Variants in RMDN2 observed in about 807,000 individuals in gnomAD.
RMDN2 encodes the protein regulator of microtubule dynamics protein 2.
RMDN2 carries 61 observed loss-of-function variants against 52.8 expected under a neutral mutation model. The ratio of observed to expected loss-of-function variants is 1.16; its 90% CI spans 0.94 to 1.43. The LOEUF is 1.43. Among genes scored for constraint, RMDN2 ranks in the 40% most tolerant of loss-of-function variants. The pLI, the probability that RMDN2 is intolerant of heterozygous loss-of-function variation, is 0.00. For missense variants in RMDN2, 592 were observed against 475.3 expected (o/e 1.25, Z -2.28); for synonymous variants, 180 against 153.1 (o/e 1.18, Z -1.30).
chr2:38,005,076 A>G (rs1676888380), intron 10 of RMDN2, among the ~76,000 whole-genome samples: 1 of 151,982 alleles, frequency 6.6e-6, no homozygotes. Context: ...TATGTGCCAC[A>G]TTTTCTTAAT....
intron 4 of RMDN2, 44 bp from the exon 5 acceptor site, chr2:37,981,239 C>A: frequency 8.6e-7 from 1 of 1,158,786 alleles, no homozygotes; most frequent in African/African-American, 1.5e-5. Flanking sequence ...CACCTCCTAC[C>A]AACTCACATG....
At chr2:38,000,778 C>A (rs1359598771) in intron 8 of RMDN2, among the ~76,000 whole-genome samples, 1 of 152,158 alleles carries the variant, frequency 6.6e-6, no homozygotes, top group Non-Finnish European at 1.5e-5. Context: ...TGGTTTGATG[C>A]TATTTTGCAT....
chr2:38,045,639 T>A (rs1391430680), intron 10 of RMDN2, among the ~76,000 whole-genome samples: 5 of 134,742 alleles, frequency 3.7e-5, no homozygotes, highest in African/African-American at 7.3e-5. Context: ...ATCAAATACA[T>A]AAAAAAATTA....
chr2:37,999,257 C>A (rs967298565), intron 8 of RMDN2, among the ~76,000 whole-genome samples: 2 of 152,152 alleles, frequency 1.3e-5, no homozygotes, highest in African/African-American at 4.8e-5. Flanking sequence ...CTGATTAACA[C>A]TGCGCAAATT....
At chr2:38,058,825 A>G (rs1041486940) in intron 10 of RMDN2, among the ~76,000 whole-genome samples, 2 of 152,190 alleles carry the variant, frequency 1.3e-5, no homozygotes, top group African/African-American at 4.8e-5. Flanking sequence ...GGAAAAAGCC[A>G]GGTCATTGGA....
At position 37,952,236 on chromosome 2, in the gene RMDN2, C is replaced by T. The variant is rs568362081; in HGVS notation, c.453-21804C>T. ...GACTTTACCCTCTCTTAGAAGGGCACCTCAAATAGTTTTCCCACCAGTCAC... is the reference window on the plus strand; with the variant it reads ...GACTTTACCCTCTCTTAGAAGGGCATCTCAAATAGTTTTCCCACCAGTCAC... On this transcript the variant is annotated intron_variant, in intron 2 of 10. Transcript: ENST00000354545. The T allele has an allele frequency of 7.5e-5, 120 of 1,600,758 alleles. No homozygotes were observed. In the Admixed American group the frequency reaches 1.8e-3, roughly 24 times the overall value.
intron 2 of RMDN2, among the ~76,000 whole-genome samples, chr2:37,968,128 G>C (rs1558486387): frequency 6.6e-6 from 1 of 152,128 alleles, no homozygotes; most frequent in Non-Finnish European, 1.5e-5. Context: ...ATTTCAGAAA[G>C]TCTGTTGTTA....
chr2:37,977,432 C>CT (rs1558500373), intron 4 of RMDN2, among the ~76,000 whole-genome samples: 2 of 150,772 alleles, frequency 1.3e-5, no homozygotes, highest in Non-Finnish European at 1.5e-5. Flanking sequence ...AGAGGCGCCC[C>CT]CACCTCCCAG....
intron 1 of RMDN2, among the ~76,000 whole-genome samples, chr2:37,925,975 A>G (rs1489744952): frequency 6.6e-6 from 1 of 152,214 alleles, no homozygotes; most frequent in Non-Finnish European, 1.5e-5. Context: ...ATAAAATACA[A>G]AAAAACCATG....
chr2:38,036,657 T>A (rs1474147888), intron 10 of RMDN2: 1 of 151,068 alleles, frequency 6.6e-6, no homozygotes, highest in African/African-American at 2.5e-5. Context: ...GTTGAAAGCA[T>A]GACAGCAATG....
chr2:37,971,963 G>A (rs1671866157), intron 2 of RMDN2, among the ~76,000 whole-genome samples: 1 of 152,064 alleles, frequency 6.6e-6, no homozygotes, highest in South Asian at 2.1e-4. Flanking sequence ...ATGATATTGG[G>A]TCTTCTAAAC....
intron 10 of RMDN2, among the ~76,000 whole-genome samples, chr2:38,055,927 G>A (rs569186530): frequency 1.5e-4 from 23 of 152,124 alleles, no homozygotes; most frequent in Non-Finnish European, 3.4e-4. Context: ...AAAAAATCAA[G>A]GTTCTGTTAA....
intron 10 of RMDN2, among the ~76,000 whole-genome samples, chr2:38,028,823 G>A (rs576634293): frequency 2.6e-5 from 4 of 152,072 alleles, no homozygotes; most frequent in Non-Finnish European, 5.9e-5. Context: ...CCTTCTCCTT[G>A]GGGGTCAAGG....
Position 37,929,580 on chromosome 2 carries a change from A to G in RMDN2, c.303A>G (p.Pro101=), listed in dbSNP as rs1170942647. 1.3e-6 allele frequency: 2 copies of G among 1,551,766 alleles called. No individual in the cohort carries two copies. Among genetic ancestry groups the G allele is most frequent in the Non-Finnish European group, 1.7e-6 (2 of 1,146,966 alleles). ...EEIRFLKEAI[P]KLEEYIQDEL... Reference sequence around the variant, plus strand: ...TCAGATTTCTTAAAGAAGCTATTCCAAAGCTGGAGGAATATATACAAGATG... The same window carrying G: ...TCAGATTTCTTAAAGAAGCTATTCCGAAGCTGGAGGAATATATACAAGATG... The change falls in exon 2 of 11, where the codon CCA becomes CCG. Residue 101 remains proline, a synonymous_variant. Transcript: ENST00000354545.
chr2:38,021,400 G>A (rs1212396323), downstream of RMDN2, among the ~76,000 whole-genome samples: 1 of 152,108 alleles, frequency 6.6e-6, no homozygotes, highest in Admixed American at 6.5e-5. Flanking sequence ...CTGCACTGTG[G>A]AAGCTTTGTT....
chr2:38,033,304 C>T (rs1207452141), intron 10 of RMDN2: 1 of 152,190 alleles, frequency 6.6e-6, no homozygotes, highest in Non-Finnish European at 1.5e-5. Flanking sequence ...CTAAAAGTAG[C>T]TGTCCTTTCC....
intron 5 of RMDN2, among the ~76,000 whole-genome samples, chr2:37,986,127 C>A (rs1212553567): frequency 2.6e-5 from 4 of 151,944 alleles, no homozygotes. Context: ...ATGATAATGC[C>A]CATGACAAAA....
At chr2:38,026,916 G>A (rs1003856986) in intron 10 of RMDN2, 5 of 146,324 alleles carry the variant, frequency 3.4e-5, no homozygotes, top group African/African-American at 5.0e-5. Context: ...TTATTTAAAA[G>A]TCTGTTTTGT....
chr2:38,031,256 C>CTTTTTTT (rs552306141), intron 10 of RMDN2, among the ~76,000 whole-genome samples: 46 of 105,844 alleles, frequency 4.3e-4, no homozygotes, highest in Admixed American at 7.5e-4. Flanking sequence ...CTTTGTTTCC[C>CTTTTTTT]TTTTTTTTTT....
Sources: gnomAD v4.1 joint callset for allele counts (sites outside exome capture counted in the v4.1 genomes callset) on GRCh38, gnomAD v4.1.1 for gene constraint, MANE v1.5 for transcripts, NCBI Gene and HGNC (gene_info 2026-07-23, HGNC 2026-07-21) for gene names.